PFKFB3: variants seen among roughly 807,000 people sequenced by gnomAD.
PFKFB3 encodes 6-phosphofructo-2-kinase/fructose-2,6-biphosphatase 3.
PFKFB3 carries 33 observed loss-of-function variants against 68.0 expected under a neutral mutation model. The observed-to-expected ratio is 0.49, with a 90% CI of 0.37 to 0.65. PFKFB3 has a LOEUF of 0.65. Among genes scored for constraint, PFKFB3 ranks in the 30% least tolerant of loss-of-function variants. The pLI is 0.00. For missense variants in PFKFB3, 586 were observed against 712.2 expected, an observed-to-expected ratio of 0.82 and a Z score of 2.02; for synonymous variants, 315 against 288.2, an observed-to-expected ratio of 1.09 and a Z score of -0.94.
the PFKFB3 span, among the ~76,000 whole-genome samples, chr10:6,311,158 T>A: frequency 6.6e-6 from 1 of 152,336 alleles, no homozygotes; most frequent in South Asian, 2.1e-4. Context: ...TCCAGTCATA[T>A]CACGACTGCT....
chr10:6,298,291 A>G, the PFKFB3 span, among the ~76,000 whole-genome samples: 4 of 151,824 alleles, frequency 2.6e-5, no homozygotes, highest in Admixed American at 6.6e-5. Context: ...TACCTTGGCC[A>G]ATGCCCGTGG....
chr10:6,147,132 GT>G (rs1564580910), intron 1 of PFKFB3, among the ~76,000 whole-genome samples: 1 of 152,208 alleles, frequency 6.6e-6, no homozygotes. Flanking sequence ...GTGCTGAGCC[GT>G]GGTCTGAAGC....
chr10:6,279,432 A>C, the PFKFB3 span, among the ~76,000 whole-genome samples: 1 of 152,334 alleles, frequency 6.6e-6, no homozygotes, highest in South Asian at 2.1e-4. Flanking sequence ...TCTTATAAAA[A>C]TGGGCTGAGC....
At chr10:6,199,482 C>CTTTTTT (rs58813981), upstream of PFKFB3, among the ~76,000 whole-genome samples, 9 of 141,604 alleles carry the variant, frequency 6.4e-5, no homozygotes, top group African/African-American at 1.3e-4. Context: ...CAGGCACTTG[C>CTTTTTT]TTTTTTTTTT....
chr10:6,189,131 A>ATG (rs1564607733), intron 1 of PFKFB3, among the ~76,000 whole-genome samples: 2 of 151,980 alleles, frequency 1.3e-5, no homozygotes, highest in Admixed American at 1.3e-4. Context: ...GAGCCACCGC[A>ATG]CCTGGCGATT....
intron 1 of PFKFB3, among the ~76,000 whole-genome samples, chr10:6,179,325 C>G (rs1842634993): frequency 6.6e-6 from 1 of 152,238 alleles, no homozygotes; most frequent in Non-Finnish European, 1.5e-5. Flanking sequence ...AGAGCCCAAA[C>G]TCATCTGCGC....
chr10:6,270,445 C>A, the PFKFB3 span, among the ~76,000 whole-genome samples: 3 of 152,156 alleles, frequency 2.0e-5, no homozygotes, highest in Admixed American at 2.0e-4. Context: ...GTTGCTCTTG[C>A]GTTTAATGAC....
chr10:6,184,762 G>T (rs1242057235), intron 1 of PFKFB3, among the ~76,000 whole-genome samples: 1 of 142,806 alleles, frequency 7.0e-6, no homozygotes, highest in Non-Finnish European at 1.5e-5. Flanking sequence ...GTGAGTCACC[G>T]CGCCTGGCCT....
At chr10:6,209,484 G>GT (rs1844014642) in intron 1 of PFKFB3, among the ~76,000 whole-genome samples, 3 of 131,298 alleles carry the variant, frequency 2.3e-5, no homozygotes, top group South Asian at 2.4e-4. Context: ...TTTTTTTTTT[G>GT]TTTTTTTGAG....
At chr10:6,311,389 C>T in the PFKFB3 span, among the ~76,000 whole-genome samples, 5 of 152,114 alleles carry the variant, frequency 3.3e-5, no homozygotes, top group African/African-American at 1.2e-4. Flanking sequence ...CCTAATTCCT[C>T]CTTTTCTGGC....
At chr10:6,276,543 C>T in the PFKFB3 span, among the ~76,000 whole-genome samples, 1 of 152,096 alleles carries the variant, frequency 6.6e-6, no homozygotes, top group Non-Finnish European at 1.5e-5. Context: ...AATTTGGGGT[C>T]GGCCAAGTAC....
the PFKFB3 span, among the ~76,000 whole-genome samples, chr10:6,260,122 T>A: frequency 5.9e-5 from 9 of 152,064 alleles, no homozygotes; most frequent in Non-Finnish European, 1.2e-4. Context: ...GGTTAAAAAA[T>A]TCAAACATTG....
chr10:6,187,500 T>A (rs1480982912), intron 1 of PFKFB3, among the ~76,000 whole-genome samples: 12 of 152,230 alleles, frequency 7.9e-5, no homozygotes, highest in Admixed American at 7.9e-4. Flanking sequence ...AGTGATGAGA[T>A]GGGAGAAGTT....
At chr10:6,253,156 G>A (rs1846416555) in intron 14 of PFKFB3, among the ~76,000 whole-genome samples, 1 of 152,164 alleles carries the variant, frequency 6.6e-6, no homozygotes, top group African/African-American at 2.4e-5. Flanking sequence ...CTGACCTTGT[G>A]ATCCACACGC....
rs137981427 is a variant in PFKFB3 at position 6,226,901 on chromosome 10, C to T, written c.1515+536C>T. ...AAGAGTTCCAGACCAGCCTGGCCAACATGGCGAAACCCTGTCTTTACTAAA... is the reference window on the plus strand; with the variant it reads ...AAGAGTTCCAGACCAGCCTGGCCAATATGGCGAAACCCTGTCTTTACTAAA... On this transcript the variant is annotated intron_variant, in intron 14 of 14. Transcript: ENST00000379775. Among the ~76,000 whole-genome samples, 149 of 152,324 alleles carry T rather than the reference C, an allele frequency of 9.8e-4. No homozygotes were observed. The East Asian group carries it at 0.023, about 23-fold the overall frequency.
intron 1 of PFKFB3, chr10:6,146,472 G>A (rs1841392454): frequency 6.5e-7 from 1 of 1,535,516 alleles, no homozygotes; most frequent in African/African-American, 1.4e-5. Context: ...CAAGGCCACT[G>A]TCTTCGGTGT....
rs147419698 is a variant in PFKFB3, at chr10:6,227,772, A to G, written c.1515+1407A>G. Among the ~76,000 whole-genome samples the G allele has an allele frequency of 3.9e-5, 6 of 152,308 alleles. No individual in the cohort carries two copies. In the East Asian group the frequency reaches 1.2e-3, roughly 29 times the overall value. ...CTCAGTCTCCTTAGCTTTGCACATG[A>G]TAGGAGCAGGACTGGGAGAGCTCTC... On this transcript the variant is annotated intron_variant, in intron 14 of 14. Transcript: ENST00000379775.
the PFKFB3 span, among the ~76,000 whole-genome samples, chr10:6,299,996 T>TTTTTG: frequency 1.3e-5 from 2 of 148,284 alleles, no homozygotes; most frequent in East Asian, 2.0e-4. Flanking sequence ...TTTTTTTTTT[T>TTTTTG]AGTGAAGAGG....
At chr10:6,231,299 T>C (rs1845726092) in intron 14 of PFKFB3, 1 of 1,612,382 alleles carries the variant, frequency 6.2e-7, no homozygotes. Context: ...AGTTTTCTCC[T>C]TACTAACTGT....
Sources: allele counts gnomAD v4.1 joint callset (sites outside exome capture counted in the v4.1 genomes callset), GRCh38; gene constraint gnomAD v4.1.1; transcripts MANE v1.5; gene names NCBI Gene and HGNC (gene_info 2026-07-23, HGNC 2026-07-21).